ZNF827: variants seen among roughly 807,000 people sequenced by gnomAD.
ZNF827 encodes the protein zinc finger protein 827.
Under a neutral mutation model 102.4 loss-of-function variants are expected in ZNF827, and 13 were observed. That is an observed-to-expected ratio of 0.13 (90% CI 0.08 to 0.20). ZNF827 has a LOEUF of 0.20. Among genes scored for constraint, ZNF827 ranks in the 10% least tolerant of loss-of-function variants. The pLI is 1.00. For missense variants in ZNF827, 1,103 were observed against 1,344.4 expected, an observed-to-expected ratio of 0.82 and a Z score of 2.81; for synonymous variants, 523 against 536.2, an observed-to-expected ratio of 0.98 and a Z score of 0.34.
Position 145,845,952 on chromosome 4 carries a change from C to T in ZNF827, c.2279+4G>A. 3 of 1,614,206 alleles carry T rather than the reference C, an allele frequency of 1.9e-6. No homozygotes were observed. The highest frequency in any genetic ancestry group is 2.2e-5 in the South Asian group (2 of 91,084). ...TCTGGAGGAACCCACACAAAGTCGC[C>T]TACCTGGTCGTGGTCCGGATGGTGT... On this transcript the variant is annotated splice_donor_region_variant and intron_variant, in intron 7 of 14. Coordinates refer to ENST00000508784, the MANE Select transcript of ZNF827 (RefSeq NM_001306215.2).
At position 145,902,668 on chromosome 4, in the gene ZNF827, C is replaced by T. The variant is rs1354325808; in HGVS notation, c.591G>A (p.Leu197=). ...AGCTGCAGGTGGTGGTTGAGTTTGG[C>T]AACCACTTACCTTGATTCCATATAA... ...NRFIWNQGKW[L]PNSTTTCSLS... The change falls in exon 2 of 15, where the codon TTG becomes TTA. Residue 197 remains leucine (L), a synonymous_variant. Coordinates refer to ENST00000508784, the MANE Select transcript of ZNF827 (RefSeq NM_001306215.2). The surrounding 1 kb of genome is among the most constrained non-coding windows in gnomAD (Gnocchi z 4.3). The T allele has an allele frequency of 1.2e-6, 2 of 1,613,916 alleles. No homozygotes were observed. The highest frequency in any genetic ancestry group is 1.1e-5 in the South Asian group (1 of 91,072).
At chr4:145,892,944 G>A (rs1042249790) in intron 2 of ZNF827, among the ~76,000 whole-genome samples, 3 of 152,228 alleles carry the variant, frequency 2.0e-5, no homozygotes, top group African/African-American at 7.2e-5. Flanking sequence ...AACTCCAATG[G>A]AGACAAATTT....
At chr4:145,812,910 T>C (rs1337004856) in intron 8 of ZNF827, among the ~76,000 whole-genome samples, 1 of 152,182 alleles carries the variant, frequency 6.6e-6, no homozygotes, top group Non-Finnish European at 1.5e-5. Context: ...AGATTTCCAT[T>C]ACCCACGGTC....
At chr4:145,812,530 TA>T (rs1436352692) in intron 8 of ZNF827, among the ~76,000 whole-genome samples, 2 of 151,056 alleles carry the variant, frequency 1.3e-5, no homozygotes, top group Admixed American at 1.3e-4. Context: ...TTTATTTATT[TA>T]TTTATTTATT....
chr4:145,881,726 C>T (rs924433388), intron 4 of ZNF827, among the ~76,000 whole-genome samples: 1 of 152,164 alleles, frequency 6.6e-6, no homozygotes, highest in Non-Finnish European at 1.5e-5. Flanking sequence ...ATGAACACAA[C>T]TCACCCAGGC....
chr4:145,820,497 G>C (rs930828531), intron 8 of ZNF827, among the ~76,000 whole-genome samples: 2 of 152,176 alleles, frequency 1.3e-5, no homozygotes, highest in African/African-American at 4.8e-5. Flanking sequence ...GATTTCTAAA[G>C]ATTCTGAGGC....
In ZNF827 at chr4:145,763,605, A is replaced by G. The variant is rs1734845474; in HGVS notation, c.3231-483T>C. ...TCCCTGAGGAAAGGCGAACTGGCAAAGCCACAACTGGCAGGGGCTGCAATG... is the reference window on the plus strand; with the variant it reads ...TCCCTGAGGAAAGGCGAACTGGCAAGGCCACAACTGGCAGGGGCTGCAATG... On this transcript the variant is annotated intron_variant, in intron 13 of 14. Transcript: ENST00000508784. This position sits in a 1 kb window ranked among gnomAD's most constrained non-coding sequence, Gnocchi z 4.6. 6.6e-6 allele frequency among the ~76,000 whole-genome samples: 1 copy of G among 152,218 alleles called. No individual in the cohort carries two copies. Among genetic ancestry groups the G allele is most frequent in the Non-Finnish European group, 1.5e-5 (1 of 68,034 alleles).
chr4:145,909,917 T>C (rs752063373), intron 1 of ZNF827, among the ~76,000 whole-genome samples: 10 of 152,142 alleles, frequency 6.6e-5, no homozygotes, highest in Non-Finnish European at 1.3e-4. Context: ...GGCAATGGGC[T>C]TCACAGGACA....
In ZNF827 at chr4:145,761,906, C is replaced by T. The variant is rs1340569267; in HGVS notation, c.*18-308G>A. 6.6e-6 allele frequency among the ~76,000 whole-genome samples: 1 copy of T among 152,200 alleles called. No individual in the cohort carries two copies. Among genetic ancestry groups the T allele is most frequent in the Non-Finnish European group, 1.5e-5 (1 of 68,032 alleles). ...AGAGAAAGTGCCAGGAATCAATTTG[C>T]TGGTGCTCCCCTCCAGCCCCCGCCC... is the stretch of plus-strand genomic sequence containing the variant. On this transcript the variant is annotated intron_variant, in intron 14 of 14. Coordinates refer to ENST00000508784, the MANE Select transcript of ZNF827 (RefSeq NM_001306215.2). This position sits in a 1 kb window ranked among gnomAD's most constrained non-coding sequence, Gnocchi z 6.8.
chr4:145,915,441 C>T (rs1752598605), intron 1 of ZNF827, among the ~76,000 whole-genome samples: 1 of 151,924 alleles, frequency 6.6e-6, no homozygotes, highest in Non-Finnish European at 1.5e-5. Context: ...GAGCGGAACT[C>T]CGTCTCAAAA....
At chr4:145,808,331 G>C (rs1741687565) in intron 8 of ZNF827, among the ~76,000 whole-genome samples, 1 of 151,766 alleles carries the variant, frequency 6.6e-6, no homozygotes, top group South Asian at 2.1e-4. Flanking sequence ...CTGTTTCCTG[G>C]CCTCTTTCCC....
intron 8 of ZNF827, among the ~76,000 whole-genome samples, chr4:145,805,948 C>A (rs1359650619): frequency 6.6e-6 from 1 of 151,608 alleles, no homozygotes; most frequent in Admixed American, 6.6e-5. Context: ...CCTTATGTGA[C>A]CCCTTCCCAA....
At chr4:145,797,332 C>G (rs1740481164) in intron 8 of ZNF827, among the ~76,000 whole-genome samples, 1 of 152,208 alleles carries the variant, frequency 6.6e-6, no homozygotes, top group Non-Finnish European at 1.5e-5. Context: ...AAGGTAAACT[C>G]TTTGCCTTTA....
At chr4:145,835,382 C>G (rs1171569300) in intron 7 of ZNF827, 1 of 151,950 alleles carries the variant, frequency 6.6e-6, no homozygotes. Context: ...GCCTCCATAA[C>G]TGTTGTGGGT....
At chr4:145,912,527 C>A (rs775022327) in intron 1 of ZNF827, among the ~76,000 whole-genome samples, 72 of 152,182 alleles carry the variant, frequency 4.7e-4, no homozygotes, top group Non-Finnish European at 8.8e-4. Flanking sequence ...GAAGTTCTAA[C>A]CCCCAGTACA....
rs1751508438 is a variant in ZNF827, at chr4:145,902,532, G to C, written c.727C>G (p.Pro243Ala). Residue 243 changes from proline to alanine, a missense_variant, in exon 2 of 15, where the codon CCT becomes GCT. Coordinates refer to ENST00000508784, the MANE Select transcript of ZNF827 (RefSeq NM_001306215.2). This position sits in a 1 kb window ranked among gnomAD's most constrained non-coding sequence, Gnocchi z 4.3. ...ETMRFESFSS[P>A]FSSQSASSTL... ...GAACTGGCAGACTGGGAGCTAAAAGGGGAGGAAAAGGACTCAAATCGCATG... is the reference window on the plus strand; with the variant it reads ...GAACTGGCAGACTGGGAGCTAAAAGCGGAGGAAAAGGACTCAAATCGCATG... 22 of 1,614,132 alleles carry C rather than the reference G, an allele frequency of 1.4e-5. 1 individual carries two copies. The highest frequency in any genetic ancestry group is 1.9e-5 in the Non-Finnish European group (22 of 1,180,028).
chr4:145,766,611 G>A (rs563292537), intron 11 of ZNF827, among the ~76,000 whole-genome samples: 1 of 152,308 alleles, frequency 6.6e-6, no homozygotes, highest in South Asian at 2.1e-4. Flanking sequence ...AGAGGAAGGG[G>A]CAGCACAGAA....
At chr4:145,780,098 C>T (rs959650502) in intron 8 of ZNF827, among the ~76,000 whole-genome samples, 2 of 151,986 alleles carry the variant, frequency 1.3e-5, no homozygotes, top group Non-Finnish European at 2.9e-5. Flanking sequence ...GGCTGAGGCA[C>T]GAGAATCGCT....
At chr4:145,885,639 A>C in intron 4 of ZNF827, 39 bp downstream of exon 4, 1 of 1,505,784 alleles carries the variant, frequency 6.6e-7, no homozygotes, top group African/African-American at 1.4e-5. Context: ...AGAGAGAGAG[A>C]GAGAGAGAGA....
Sources: gnomAD v4.1 joint callset for allele counts (sites outside exome capture counted in the v4.1 genomes callset) on GRCh38, gnomAD v4.1.1 for gene constraint, Gnocchi (gnomAD v3.1) non-coding constraint, MANE v1.5 for transcripts, NCBI Gene and HGNC (gene_info 2026-07-23, HGNC 2026-07-21) for gene names.